THADA: variants seen among roughly 807,000 people sequenced by gnomAD.
The protein encoded by THADA is tRNA (32-2'-O)-methyltransferase regulator THADA.
A neutral mutation model predicts 219.8 loss-of-function variants in THADA; 213 were observed. That is an observed-to-expected ratio of 0.97 (90% confidence interval 0.87 to 1.09). The LOEUF (loss-of-function observed/expected upper bound fraction) is 1.09, where lower values mean the gene tolerates loss of function less well. Ranked by LOEUF, THADA falls within the 50% of genes least tolerant of loss-of-function variation. The probability of loss-of-function intolerance (pLI) is 0.00; values close to 1 mark genes in which losing one functional copy is unlikely to be tolerated. For missense variants in THADA, 2,956 were observed against 2,311.3 expected, an observed-to-expected ratio of 1.28 and a Z score of -5.72; for synonymous variants, 1,018 against 828.9, an observed-to-expected ratio of 1.23 and a Z score of -3.92.
chr2:43,426,715 T>A (rs1678487014), intron 28 of THADA, among the ~76,000 whole-genome samples: 1 of 152,180 alleles, frequency 6.6e-6, no homozygotes. Flanking sequence ...TTAAAATGCA[T>A]AAGTCAGCTC....
At chr2:43,520,424 A>C (rs1263278738) in intron 22 of THADA, among the ~76,000 whole-genome samples, 1 of 152,178 alleles carries the variant, frequency 6.6e-6, no homozygotes, top group Non-Finnish European at 1.5e-5. Context: ...GCGGTGGCTC[A>C]TGCTTGTAAT....
intron 26 of THADA, among the ~76,000 whole-genome samples, chr2:43,443,174 C>G (rs1169437059): frequency 6.6e-6 from 1 of 152,132 alleles, no homozygotes; most frequent in Admixed American, 6.6e-5. Context: ...ATTTAAGATA[C>G]TGAGTATAAT....
rs1005148493 is a variant in THADA at position 43,256,236 on chromosome 2, C to T, written c.5297-23354G>A. Among the ~76,000 whole-genome samples the T allele has an allele frequency of 3.9e-5, 6 of 152,060 alleles. No individual in the cohort carries two copies. In the East Asian group the frequency reaches 7.7e-4, roughly 20 times the overall value. ...ACAGAAACCCGCTTACGTCTGGGTG[C>T]GGTGGCTCATGCCTGTAATCCCAGC... On this transcript the variant is annotated intron_variant, in intron 36 of 37. Transcript: ENST00000405975.
At chr2:43,303,251 C>T (rs1027079650) in intron 31 of THADA, among the ~76,000 whole-genome samples, 2 of 152,130 alleles carry the variant, frequency 1.3e-5, no homozygotes, top group Non-Finnish European at 2.9e-5. Context: ...GTTATCTTAG[C>T]AGTGTTTGGT....
At chr2:43,256,612 A>ATT (rs1553356398) in intron 36 of THADA, among the ~76,000 whole-genome samples, 83 of 146,950 alleles carry the variant, frequency 5.6e-4, no homozygotes, top group African/African-American at 2.0e-3. Context: ...TAAATAAATA[A>ATT]TTTTTTTTTT....
intron 29 of THADA, among the ~76,000 whole-genome samples, chr2:43,391,379 TAC>T (rs767742105): frequency 4.6e-5 from 7 of 152,102 alleles, no homozygotes; most frequent in Non-Finnish European, 8.8e-5. Flanking sequence ...CACAGTGCAG[TAC>T]AGTCAATGCT....
intron 36 of THADA, among the ~76,000 whole-genome samples, chr2:43,241,708 A>T (rs953795427): frequency 1.3e-5 from 2 of 151,960 alleles, no homozygotes; most frequent in African/African-American, 4.8e-5. Context: ...CAGCTGCTGG[A>T]GCAGAGCGGT....
At chr2:43,283,615 C>T (rs1018032090) in intron 35 of THADA, among the ~76,000 whole-genome samples, 1 of 152,176 alleles carries the variant, frequency 6.6e-6, no homozygotes, top group Non-Finnish European at 1.5e-5. Flanking sequence ...TGGCATTTTG[C>T]CCCTGCCCTA....
At chr2:43,404,545 G>C (rs1292310085) in intron 28 of THADA, among the ~76,000 whole-genome samples, 3 of 151,874 alleles carry the variant, frequency 2.0e-5, no homozygotes, top group Admixed American at 2.0e-4. Flanking sequence ...TCTGTGATCA[G>C]AATCAATCAC....
intron 22 of THADA, among the ~76,000 whole-genome samples, chr2:43,521,322 A>G (rs1394963132): frequency 6.6e-6 from 1 of 152,160 alleles, no homozygotes; most frequent in African/African-American, 2.4e-5. Flanking sequence ...TGGGAGGCCG[A>G]GGCAGGTGGA....
chr2:43,333,538 A>C (rs1465436284), intron 30 of THADA, among the ~76,000 whole-genome samples: 1 of 152,066 alleles, frequency 6.6e-6, no homozygotes, highest in Admixed American at 6.5e-5. Flanking sequence ...AAAAAGAAGG[A>C]AAGAAAGAAA....
Position 43,589,921 on chromosome 2 carries a change from T to C in THADA, c.302+903A>G, listed in dbSNP as rs534280680. ...ATGTCTTTTACTACAATTAGGATTT[T>C]ATGACATGGAAATATCTCTAAGACA... is the stretch of plus-strand genomic sequence containing the variant. On this transcript the variant is annotated intron_variant, in intron 4 of 37. Transcript: ENST00000405975. Among the ~76,000 whole-genome samples, 19 of 152,308 alleles carry C rather than the reference T, an allele frequency of 1.2e-4. No homozygotes were observed. In the East Asian group the frequency reaches 1.5e-3, roughly 12 times the overall value.
chr2:43,291,038 A>T (rs1424916790), intron 34 of THADA, among the ~76,000 whole-genome samples: 2 of 152,066 alleles, frequency 1.3e-5, no homozygotes, highest in Non-Finnish European at 2.9e-5. Context: ...TGGAATTGAC[A>T]TGCTTACTCC....
chr2:43,586,974 G>A lies in THADA; in HGVS notation c.331C>T (p.Leu111=), dbSNP rs1701093285. ...GTAAAACGGTGCATAGCCTCAGGTA[G>A]AAAAAAATCAGGCAGGCTATTTAGT... ...SSLNSLPDFF[L]PEAMHRFTSR... is the part of the protein sequence containing the mutation. The change falls in exon 5 of 38, where the codon CTA becomes TTA. Residue 111 remains leucine, a synonymous_variant. Transcript: ENST00000405975. 6.2e-7 allele frequency: 1 copy of A among 1,613,220 alleles called. No homozygotes were observed. Among genetic ancestry groups the A allele is most frequent in the Non-Finnish European group, 8.5e-7 (1 of 1,179,614 alleles).
intron 36 of THADA, among the ~76,000 whole-genome samples, chr2:43,234,573 C>T (rs1299352434): frequency 6.6e-6 from 1 of 152,230 alleles, no homozygotes; most frequent in Non-Finnish European, 1.5e-5. Context: ...TTACCTCTAC[C>T]TAACTCCTTT....
intron 26 of THADA, among the ~76,000 whole-genome samples, chr2:43,465,833 C>T (rs1314251282): frequency 6.6e-6 from 1 of 152,108 alleles, no homozygotes; most frequent in South Asian, 2.1e-4. Context: ...CATTGGATGT[C>T]CCCCAGGCAT....
At chr2:43,293,693 T>G (rs540665377) in intron 31 of THADA, among the ~76,000 whole-genome samples, 131 of 152,318 alleles carry the variant, frequency 8.6e-4, no homozygotes, top group African/African-American at 3.1e-3. Context: ...CTTTTTGTGT[T>G]TCTACTCACT....
intron 30 of THADA, among the ~76,000 whole-genome samples, chr2:43,335,380 G>A (rs1299237424): frequency 6.6e-6 from 1 of 152,164 alleles, no homozygotes; most frequent in South Asian, 2.1e-4. Context: ...GGTGAACTGT[G>A]TGAAAACGGA....
intron 4 of THADA, among the ~76,000 whole-genome samples, chr2:43,589,208 C>G (rs1701301363): frequency 6.6e-6 from 1 of 151,998 alleles, no homozygotes; most frequent in East Asian, 1.9e-4. Flanking sequence ...AACAGGCAAG[C>G]AGTGGAAGCA....
Sources: gnomAD v4.1 joint callset for allele counts (sites outside exome capture counted in the v4.1 genomes callset) on GRCh38, gnomAD v4.1.1 for gene constraint, MANE v1.5 for transcripts, NCBI Gene and HGNC (gene_info 2026-07-23, HGNC 2026-07-21) for gene names.